Variants in DOCK2 observed in about 807,000 individuals in gnomAD.
DOCK2 encodes dedicator of cytokinesis 2.
DOCK2 carries 87 observed loss-of-function variants against 248.9 expected under a neutral mutation model. That is an observed-to-expected ratio of 0.35 (90% CI 0.29 to 0.42). The LOEUF (loss-of-function observed/expected upper bound fraction) is 0.42. Ranked by LOEUF, DOCK2 falls within the 10% of genes least tolerant of loss-of-function variation. The probability of loss-of-function intolerance (pLI) is 1.00; values close to 1 mark genes in which losing one functional copy is unlikely to be tolerated. For missense variants in DOCK2, 1,747 were observed against 2,300.2 expected, an observed-to-expected ratio of 0.76 and a Z score of 4.92; for synonymous variants, 805 against 821.6, an observed-to-expected ratio of 0.98 and a Z score of 0.35.
chr5:169,721,274 G>T (rs1762189375), intron 22 of DOCK2, among the ~76,000 whole-genome samples: 1 of 152,176 alleles, frequency 6.6e-6, no homozygotes, highest in African/African-American at 2.4e-5. Flanking sequence ...ACTGACATTT[G>T]GTCAGGAGAG....
chr5:169,808,144 A>G (rs1329234328), intron 26 of DOCK2, among the ~76,000 whole-genome samples: 1 of 152,048 alleles, frequency 6.6e-6, no homozygotes, highest in Non-Finnish European at 1.5e-5. Context: ...GAGCATAGCC[A>G]TTTTTACTGG....
intron 10 of DOCK2, among the ~76,000 whole-genome samples, chr5:169,696,174 C>T (rs984015530): frequency 6.6e-6 from 1 of 152,140 alleles, no homozygotes; most frequent in African/African-American, 2.4e-5. Flanking sequence ...AGTAGAGCAT[C>T]GGGAGACCGG....
At chr5:169,910,879 AG>A (rs1330893436) in intron 27 of DOCK2, among the ~76,000 whole-genome samples, 1 of 152,300 alleles carries the variant, frequency 6.6e-6, no homozygotes, top group Admixed American at 6.5e-5. Context: ...TTTCTCCTGC[AG>A]GGGGTTGGTT....
chr5:169,738,510 C>G (rs262846), intron 22 of DOCK2, among the ~76,000 whole-genome samples: 23,203 of 152,144 alleles, frequency 0.15, 2,202 homozygotes, highest in African/African-American at 0.26. Flanking sequence ...ACTTGGGCAC[C>G]AGTGGGGCCT....
chr5:169,841,689 G>T (rs1174697508), intron 27 of DOCK2, among the ~76,000 whole-genome samples: 1 of 152,166 alleles, frequency 6.6e-6, no homozygotes, highest in Non-Finnish European at 1.5e-5. Context: ...TAAGCATAGA[G>T]GCTTGCCTTC....
Position 169,840,871 on chromosome 5 carries a change from C to T in DOCK2, c.2799+19C>T. 1 of 1,611,984 alleles carries T rather than the reference C, an allele frequency of 6.2e-7. No homozygotes were observed. The highest frequency in any genetic ancestry group is 8.5e-7 in the Non-Finnish European group (1 of 1,178,914). On this transcript the variant is annotated intron_variant, in intron 27 of 51. Coordinates refer to ENST00000520908, the MANE Select transcript of DOCK2 (RefSeq NM_004946.3). ...TCTGATTGTGAGTGGATTATTTCTTCTTGTCAAATGTTGCAAGCTCTTCAG... is the reference window on the plus strand; with the variant it reads ...TCTGATTGTGAGTGGATTATTTCTTTTTGTCAAATGTTGCAAGCTCTTCAG...
intron 33 of DOCK2, among the ~76,000 whole-genome samples, chr5:170,025,213 T>G (rs755868676): frequency 6.6e-6 from 1 of 152,276 alleles, no homozygotes; most frequent in Non-Finnish European, 1.5e-5. Context: ...ACTACTGTTA[T>G]GCCCATTGTA....
At chr5:169,760,528 C>T (rs1348753714) in intron 24 of DOCK2, among the ~76,000 whole-genome samples, 1 of 152,104 alleles carries the variant, frequency 6.6e-6, no homozygotes. Context: ...TCATGGATGT[C>T]CTTTTTCTGT....
chr5:169,853,294 C>T (rs1044350979), intron 27 of DOCK2, among the ~76,000 whole-genome samples: 2 of 152,166 alleles, frequency 1.3e-5, no homozygotes, highest in Non-Finnish European at 2.9e-5. Flanking sequence ...ATGGACTAAT[C>T]CACTGCCCCT....
chr5:169,789,983 C>A (rs1053101998), intron 25 of DOCK2, among the ~76,000 whole-genome samples: 1 of 152,118 alleles, frequency 6.6e-6, no homozygotes, highest in African/African-American at 2.4e-5. Context: ...ATAAACAACA[C>A]TAGGTTTTAA....
chr5:170,056,798 C>A, intron 43 of DOCK2, 30 bp downstream of exon 43: 1 of 1,577,520 alleles, frequency 6.3e-7, no homozygotes, highest in Admixed American at 1.7e-5. Context: ...TTGATCATTC[C>A]CTGGAGCCAC....
intron 24 of DOCK2, 181 bp from the exon 25 acceptor site, chr5:169,761,338 A>G (rs1764477825): frequency 6.7e-6 from 4 of 594,772 alleles, no homozygotes; most frequent in Non-Finnish European, 3.0e-6. Flanking sequence ...TTTTAATGCT[A>G]CTAATATTCT....
Position 169,807,734 on chromosome 5 carries a change from T to A in DOCK2, c.2703+4528T>A, listed in dbSNP as rs1011507231. Among the ~76,000 whole-genome samples, 3 of 146,684 alleles carry A rather than the reference T, an allele frequency of 2.0e-5. No homozygotes were observed. In the South Asian group the frequency reaches 6.4e-4, roughly 31 times the overall value. On this transcript the variant is annotated intron_variant, in intron 26 of 51. Transcript: ENST00000520908. ...CTGTAGTCCCAGCTACTCTGGAGGC[T>A]GAGGCAGGAGAATGGCGTGAATCTG...
chr5:169,944,069 C>T (rs527633703), intron 27 of DOCK2, among the ~76,000 whole-genome samples: 1 of 152,242 alleles, frequency 6.6e-6, no homozygotes, highest in Admixed American at 6.5e-5. Context: ...GTGCCAGGAC[C>T]GGGGTAAGCA....
chr5:169,864,223 T>A, intron 27 of DOCK2: 1 of 1,463,356 alleles, frequency 6.8e-7, no homozygotes, highest in Middle Eastern at 1.8e-4. Flanking sequence ...GGATTTCCCA[T>A]CTCAGGGAAG....
chr5:169,895,136 C>T (rs1046897819), intron 27 of DOCK2, among the ~76,000 whole-genome samples: 1 of 152,212 alleles, frequency 6.6e-6, no homozygotes, highest in Non-Finnish European at 1.5e-5. Context: ...CTGTGTAGCA[C>T]ACCTTTAATT....
At chr5:169,783,390 C>T (rs1434503225) in intron 25 of DOCK2, among the ~76,000 whole-genome samples, 6 of 152,090 alleles carry the variant, frequency 3.9e-5, no homozygotes, top group Non-Finnish European at 7.4e-5. Flanking sequence ...TTGTATTCAT[C>T]GGTGACTTTG....
intron 6 of DOCK2, among the ~76,000 whole-genome samples, chr5:169,676,124 T>A (rs1452589587): frequency 6.6e-6 from 1 of 152,152 alleles, no homozygotes; most frequent in Non-Finnish European, 1.5e-5. Flanking sequence ...GGACCAGGAA[T>A]GGAAGAAGTG....
In DOCK2 at chr5:169,978,392, TGGGGG is replaced by T. The variant is rs150934804; in HGVS notation, c.2800-4667_2800-4663del. Among the ~76,000 whole-genome samples, 2 of 22,734 alleles carry T rather than the reference TGGGGG, an allele frequency of 8.8e-5. 1 individual carries two copies. The allele number at this position is 22,734 out of a possible 152,430, so 14.9% of individuals were successfully genotyped here. On this transcript the variant is annotated intron_variant, in intron 27 of 51. Coordinates refer to ENST00000520908, the MANE Select transcript of DOCK2 (RefSeq NM_004946.3). ...CTCTGTGTATGTGTGTGTGTGTGTG[TGGGGG>T]GGGGGGGGTGTAGGTGTGTTTGCAT...
Sources: allele counts gnomAD v4.1 joint callset (sites outside exome capture counted in the v4.1 genomes callset), GRCh38; gene constraint gnomAD v4.1.1; transcripts MANE v1.5; gene names NCBI Gene and HGNC (gene_info 2026-07-23, HGNC 2026-07-21).